ATP8B4: variants seen among roughly 807,000 people sequenced by gnomAD.
ATP8B4 encodes the protein probable phospholipid-transporting ATPase IM.
ATP8B4 carries 133 observed loss-of-function variants against 145.6 expected under a neutral mutation model. That is an observed-to-expected ratio of 0.91 (90% CI 0.79 to 1.05). The LOEUF (loss-of-function observed/expected upper bound fraction) is 1.05, where lower values mean the gene tolerates loss of function less well. Among genes scored for constraint, ATP8B4 ranks in the 50% least tolerant of loss-of-function variants. The pLI is 0.00. For missense variants in ATP8B4, 1,458 were observed against 1,425.2 expected (o/e 1.02, Z -0.37); for synonymous variants, 507 against 492.9 (o/e 1.03, Z -0.38).
At chr15:50,033,989 G>A (rs917391271) in intron 6 of ATP8B4, among the ~76,000 whole-genome samples, 1 of 152,072 alleles carries the variant, frequency 6.6e-6, no homozygotes, top group Admixed American at 6.6e-5. Context: ...AAGATTCCAT[G>A]TCTTTGCTAT....
At position 50,007,778 on chromosome 15, in the gene ATP8B4, T is replaced by C. The variant is rs565487136; in HGVS notation, c.435+3067A>G. Among the ~76,000 whole-genome samples, 12 of 152,238 alleles carry C rather than the reference T, an allele frequency of 7.9e-5. No homozygotes were observed. In the East Asian group the frequency reaches 2.1e-3, roughly 27 times the overall value. ...ACCAGAGTGCAGGGAGATATATTAG[T>C]ACTCCTAAGTGATTCCAATGGTTCA... On this transcript the variant is annotated intron_variant, in intron 7 of 27. Coordinates refer to ENST00000284509, the MANE Select transcript of ATP8B4 (RefSeq NM_024837.4).
At chr15:49,935,586 C>T (rs940533440) in intron 14 of ATP8B4, among the ~76,000 whole-genome samples, 4 of 152,186 alleles carry the variant, frequency 2.6e-5, no homozygotes, top group African/African-American at 9.6e-5. Flanking sequence ...TACATTAAGG[C>T]ATATCTAGTA....
At chr15:50,160,970 T>C (rs1230452559) in intron 1 of ATP8B4, among the ~76,000 whole-genome samples, 1 of 152,152 alleles carries the variant, frequency 6.6e-6, no homozygotes, top group Non-Finnish European at 1.5e-5. Context: ...AAACATGGTG[T>C]TGAAGTCTCC....
intron 1 of ATP8B4, among the ~76,000 whole-genome samples, chr15:50,135,701 C>T (rs1242337203): frequency 6.6e-6 from 1 of 152,190 alleles, no homozygotes; most frequent in Non-Finnish European, 1.5e-5. Context: ...TTTCACCAGT[C>T]ATAATAACTG....
At chr15:50,085,111 G>A (rs1251625411) in intron 2 of ATP8B4, among the ~76,000 whole-genome samples, 1 of 152,052 alleles carries the variant, frequency 6.6e-6, no homozygotes, top group African/African-American at 2.4e-5. Context: ...GGCCTTCAGG[G>A]CCCTGCCTAA....
intron 27 of ATP8B4, among the ~76,000 whole-genome samples, chr15:49,861,300 CAAAG>C (rs777361755): frequency 1.3e-4 from 20 of 151,896 alleles, no homozygotes; most frequent in Admixed American, 2.6e-4. Flanking sequence ...CTTGGAGAAC[CAAAG>C]AGAGAGGACA....
At chr15:50,014,308 T>C (rs969374590) in intron 6 of ATP8B4, among the ~76,000 whole-genome samples, 1 of 152,146 alleles carries the variant, frequency 6.6e-6, no homozygotes, top group Admixed American at 6.6e-5. Flanking sequence ...TCAAAAGTAT[T>C]CCCTTGCTCA....
At chr15:50,153,629 G>A (rs1022798533) in intron 1 of ATP8B4, among the ~76,000 whole-genome samples, 4 of 125,244 alleles carry the variant, frequency 3.2e-5, no homozygotes, top group Non-Finnish European at 6.7e-5. Flanking sequence ...GAGCCACTGC[G>A]CCCAGCCTAG....
intron 9 of ATP8B4, among the ~76,000 whole-genome samples, chr15:49,991,604 T>C (rs2047052751): frequency 1.3e-5 from 2 of 152,300 alleles, no homozygotes; most frequent in South Asian, 2.1e-4. Context: ...AAGTTATGTA[T>C]CTTTTCTTAC....
chr15:49,940,162 T>C (rs1029607187), intron 14 of ATP8B4, among the ~76,000 whole-genome samples: 1 of 152,092 alleles, frequency 6.6e-6, no homozygotes, highest in Non-Finnish European at 1.5e-5. Flanking sequence ...CCATCAACAA[T>C]GGACTGGATA....
intron 1 of ATP8B4, among the ~76,000 whole-genome samples, chr15:50,175,575 T>C (rs1037207764): frequency 6.6e-6 from 1 of 152,086 alleles, no homozygotes; most frequent in Non-Finnish European, 1.5e-5. Context: ...GACATACAAA[T>C]GGTCAACAAG....
chr15:49,904,631 A>C (rs1278851756), intron 20 of ATP8B4, among the ~76,000 whole-genome samples: 1 of 152,190 alleles, frequency 6.6e-6, no homozygotes, highest in East Asian at 1.9e-4. Context: ...TTTATGGCCA[A>C]CATGATGTTC....
At chr15:50,072,945 T>C (rs1194930940) in intron 3 of ATP8B4, among the ~76,000 whole-genome samples, 7 of 25,692 alleles carry the variant, frequency 2.7e-4, no homozygotes, top group Admixed American at 6.3e-4. Flanking sequence ...TCTCTCTCTC[T>C]CTCTCTCTCT....
At chr15:50,131,697 A>G (rs570746393) in intron 1 of ATP8B4, among the ~76,000 whole-genome samples, 1 of 150,854 alleles carries the variant, frequency 6.6e-6, no homozygotes, top group East Asian at 1.9e-4. Flanking sequence ...TCAAACTCTT[A>G]GTAGTATCTT....
chr15:50,062,775 G>A (rs769604171), intron 3 of ATP8B4, among the ~76,000 whole-genome samples: 46 of 152,016 alleles, frequency 3.0e-4, no homozygotes, highest in Non-Finnish European at 5.4e-4. Flanking sequence ...GAGTACAAGG[G>A]AGAAAAAAAA....
At chr15:49,999,803 CG>C (rs2047739523) in intron 8 of ATP8B4, among the ~76,000 whole-genome samples, 1 of 152,086 alleles carries the variant, frequency 6.6e-6, no homozygotes, top group African/African-American at 2.4e-5. Context: ...TCTATCACTG[CG>C]GGATCCCTCA....
At chr15:49,903,632 G>T (rs982462774) in intron 20 of ATP8B4, among the ~76,000 whole-genome samples, 1 of 152,300 alleles carries the variant, frequency 6.6e-6, no homozygotes, top group Non-Finnish European at 1.5e-5. Flanking sequence ...AGTGGTTCAT[G>T]CCTGTAATCC....
chr15:49,963,437 T>C (rs1248827160), intron 13 of ATP8B4, among the ~76,000 whole-genome samples: 1 of 152,190 alleles, frequency 6.6e-6, no homozygotes, highest in Non-Finnish European at 1.5e-5. Flanking sequence ...ATATAAATCA[T>C]TCTATTATAA....
chr15:49,882,584 C>T (rs2035589416), intron 23 of ATP8B4, among the ~76,000 whole-genome samples: 1 of 152,090 alleles, frequency 6.6e-6, no homozygotes, highest in Non-Finnish European at 1.5e-5. Context: ...TATCCCAAAA[C>T]AAATGAATAA....
Sources: allele counts gnomAD v4.1 joint callset (sites outside exome capture counted in the v4.1 genomes callset), GRCh38; gene constraint gnomAD v4.1.1; transcripts MANE v1.5; gene names NCBI Gene and HGNC (gene_info 2026-07-23, HGNC 2026-07-21).